Variants in DCLRE1C observed in about 807,000 individuals in gnomAD.
The protein encoded by DCLRE1C is DNA cross-link repair 1C, also known as protein artemis.
Under a neutral mutation model 61.4 loss-of-function variants are expected in DCLRE1C, and 47 were observed. The ratio of observed to expected loss-of-function variants is 0.77; its 90% CI spans 0.61 to 0.98. DCLRE1C has a LOEUF of 0.98. Among genes scored for constraint, DCLRE1C ranks in the 50% least tolerant of loss-of-function variants. DCLRE1C has a pLI of 0.00. For missense variants in DCLRE1C, 858 were observed against 816.0 expected (o/e 1.05, Z -0.63); for synonymous variants, 337 against 287.6 (o/e 1.17, Z -1.74).
In DCLRE1C at chr10:14,921,291, A is replaced by G. The variant is rs191552910; in HGVS notation, c.1062-1459T>C. 5.9e-3 allele frequency among the ~76,000 whole-genome samples: 896 copies of G among 151,508 alleles called. 4 individuals are homozygous for G. The highest frequency in any genetic ancestry group is 1.0e-2 in the Non-Finnish European group (678 of 67,820). ...GCCGAGATCGCGCCACTGCACTCCA[A>G]CCTGGGTGACAGAGCGAGACTCCAT... On this transcript the variant is annotated intron_variant, in intron 12 of 13. Transcript: ENST00000378278.
chr10:14,937,494 G>A (rs1014875184), intron 4 of DCLRE1C, among the ~76,000 whole-genome samples: 2 of 152,066 alleles, frequency 1.3e-5, no homozygotes, highest in Admixed American at 6.5e-5. Flanking sequence ...ATGTTCGCCA[G>A]GCCAGTCTTG....
At chr10:14,925,967 C>T (rs1267554475) in intron 11 of DCLRE1C, among the ~76,000 whole-genome samples, 4 of 152,154 alleles carry the variant, frequency 2.6e-5, no homozygotes, top group East Asian at 1.9e-4. Flanking sequence ...ACAGTTCTCA[C>T]GAGATCTGAT....
intron 2 of DCLRE1C, chr10:14,945,642 A>G (rs984418404): frequency 7.8e-6 from 4 of 512,066 alleles, no homozygotes; most frequent in East Asian, 2.9e-4. Context: ...TTTTTACTGT[A>G]TAAGTCTATT....
chr10:14,952,519 C>T (rs2131215952), intron 1 of DCLRE1C, among the ~76,000 whole-genome samples: 1 of 152,140 alleles, frequency 6.6e-6, no homozygotes, highest in East Asian at 1.9e-4. Context: ...ACCCAGGAGG[C>T]GGAGGTTGCA....
At chr10:14,929,425 TA>T (rs71388201) in intron 9 of DCLRE1C, among the ~76,000 whole-genome samples, 2,530 of 127,290 alleles carry the variant, frequency 0.02, 45 homozygotes, top group African/African-American at 0.058. Context: ...TTTTTTTAAT[TA>T]AAAAAAAAAA....
Position 14,954,095 on chromosome 10 carries a change from C to A in DCLRE1C, c.-85G>T, listed in dbSNP as rs575671839. 2 of 1,596,792 alleles carry A rather than the reference C, an allele frequency of 1.3e-6. No homozygotes were observed. Among genetic ancestry groups the A allele is most frequent in the African/African-American group, 2.7e-5 (2 of 74,754 alleles). On this transcript the variant is annotated 5_prime_UTR_variant, in exon 1 of 14. Coordinates refer to ENST00000378278, the MANE Select transcript of DCLRE1C (RefSeq NM_001033855.3). ...TGACCGCGCCGCCACTTCCGGGAAG[C>A]CGCGCGCTGCCTCGCCATTGGGCGG... is the stretch of plus-strand genomic sequence containing the variant.
intron 1 of DCLRE1C, among the ~76,000 whole-genome samples, chr10:14,949,609 A>G (rs1054416291): frequency 1.3e-5 from 2 of 152,276 alleles, no homozygotes; most frequent in African/African-American, 4.8e-5. Flanking sequence ...CTTGCTCCAC[A>G]GCGCTCCACA....
intron 1 of DCLRE1C, among the ~76,000 whole-genome samples, chr10:14,949,499 T>C (rs1209812873): frequency 6.6e-6 from 1 of 152,226 alleles, no homozygotes; most frequent in Non-Finnish European, 1.5e-5. Flanking sequence ...TTCGTGGTCA[T>C]GGAGTCTGCT....
chr10:14,919,678 C>A, intron 13 of DCLRE1C, 60 bp downstream of exon 13: 1 of 1,340,716 alleles, frequency 7.5e-7, no homozygotes. Flanking sequence ...GACCCAAGCT[C>A]CCTGGAAAGC....
intron 13 of DCLRE1C, among the ~76,000 whole-genome samples, chr10:14,912,287 C>T (rs949522548): frequency 3.3e-5 from 5 of 152,126 alleles, no homozygotes; most frequent in Non-Finnish European, 5.9e-5. Flanking sequence ...AACTCCTGAT[C>T]TCAGGTGATC....
chr10:14,920,243 G>A, intron 12 of DCLRE1C: 1 of 396,660 alleles, frequency 2.5e-6, no homozygotes, highest in Non-Finnish European at 4.0e-6. Context: ...CTCCTGCCCT[G>A]TTCAGTAGGG....
intron 4 of DCLRE1C, among the ~76,000 whole-genome samples, chr10:14,938,129 G>C (rs368261774): frequency 6.6e-6 from 1 of 152,088 alleles, no homozygotes; most frequent in Admixed American, 6.6e-5. Context: ...CCTGGTTGGA[G>C]CTGGATAAAC....
rs1440378418 is a variant in DCLRE1C, at chr10:14,904,709, A to C, written c.*3699T>G. 1.3e-5 allele frequency among the ~76,000 whole-genome samples: 2 copies of C among 152,352 alleles called. No individual in the cohort carries two copies. The highest frequency in any genetic ancestry group is 3.4e-3 in the Middle Eastern group (1 of 294). ...TGTTATTCAGATGCTGAACTTAAGC[A>C]GTGAAATAATAGAAACTAAAGGATG... On this transcript the variant is annotated 3_prime_UTR_variant, in exon 14 of 14. Transcript: ENST00000378278.
intron 4 of DCLRE1C, among the ~76,000 whole-genome samples, chr10:14,938,039 C>T (rs1840257668): frequency 6.6e-6 from 1 of 150,640 alleles, no homozygotes; most frequent in African/African-American, 2.5e-5. Flanking sequence ...GCTCTGCACA[C>T]ACCAGGTCAC....
exon 14 of DCLRE1C, chr10:14,898,859 C>CAT (rs1325589509): frequency 4.9e-6 from 1 of 202,116 alleles, no homozygotes; most frequent in Admixed American, 5.9e-5. Context: ...TTTGTAACTG[C>CAT]ATATATATAA....
Position 14,909,144 on chromosome 10 carries a change from T to G in DCLRE1C, c.1343A>C (p.Asn448Thr). The change falls in exon 14 of 14, where the codon AAC becomes ACC. Residue 448 changes from asparagine (N) to threonine (T), a missense_variant. By Grantham distance (65) the Asn-to-Thr change is moderately conservative. This residue lies in a region of DCLRE1C where 843 missense variants were observed against 783.5 expected (regional missense o/e 1.08). Coordinates refer to ENST00000378278, the MANE Select transcript of DCLRE1C (RefSeq NM_001033855.3). ...AECMQSSRFT[N>T]FVDCEESNSE... ...GTTGGATTCTTCACAATCTACAAAG[T>G]TTGTGAAACGAGAGCTCTGCATACA... is the stretch of plus-strand genomic sequence containing the variant. 1 of 1,614,226 alleles carries G rather than the reference T, an allele frequency of 6.2e-7. No individual in the cohort carries two copies. Among genetic ancestry groups the G allele is most frequent in the African/African-American group, 1.3e-5 (1 of 75,054 alleles).
chr10:14,953,166 C>T (rs1264342182), intron 1 of DCLRE1C, among the ~76,000 whole-genome samples: 1 of 152,104 alleles, frequency 6.6e-6, no homozygotes, highest in Non-Finnish European at 1.5e-5. Flanking sequence ...AAACTGTTTT[C>T]CCTGGTAAAA....
At chr10:14,919,028 G>T (rs1473615126) in intron 13 of DCLRE1C, among the ~76,000 whole-genome samples, 1 of 152,016 alleles carries the variant, frequency 6.6e-6, no homozygotes, top group Non-Finnish European at 1.5e-5. Flanking sequence ...AAGGGACCTA[G>T]CACAATACCT....
chr10:14,951,152 G>A (rs1328248208), intron 1 of DCLRE1C, among the ~76,000 whole-genome samples: 3 of 152,064 alleles, frequency 2.0e-5, no homozygotes, highest in African/African-American at 7.2e-5. Flanking sequence ...GCTGAGGTGA[G>A]TGGATCACCT....
Sources: allele counts gnomAD v4.1 joint callset (sites outside exome capture counted in the v4.1 genomes callset), GRCh38; gene constraint gnomAD v4.1.1; regional missense constraint gnomAD v4.1.1; transcripts MANE v1.5; gene names NCBI Gene and HGNC (gene_info 2026-07-23, HGNC 2026-07-21).